The following ATXN2 variants were observed in gnomAD, a reference collection of about 807,000 sequenced individuals.
ATXN2 encodes ataxin 2.
Under a neutral mutation model 138.6 loss-of-function variants are expected in ATXN2, and 37 were observed. The ratio of observed to expected loss-of-function variants is 0.27; its 90% CI spans 0.21 to 0.35. ATXN2 has a LOEUF of 0.35. Ranked by LOEUF, ATXN2 falls within the 10% of genes least tolerant of loss-of-function variation. ATXN2 has a pLI of 1.00. For synonymous variants in ATXN2, 549 were observed against 543.7 expected (o/e 1.01, Z -0.13); for missense variants, 1,216 against 1,480.3 (o/e 0.82, Z 2.93).
chr12:111,521,453 G>A (rs556871777), intron 6 of ATXN2, among the ~76,000 whole-genome samples: 38 of 152,318 alleles, frequency 2.5e-4, no homozygotes, highest in African/African-American at 7.0e-4. Flanking sequence ...AAAGAAGGGA[G>A]AAGCCAACGC....
In ATXN2 at chr12:111,587,387, C is replaced by T. The variant is rs11615619; in HGVS notation, c.251+11397G>A. On this transcript the variant is annotated intron_variant, in intron 1 of 24. Coordinates refer to ENST00000673436, the MANE Select transcript of ATXN2 (RefSeq NM_001372574.1). ...GAAAAATATTTGACCTGGCCAGCCA[C>T]GGTGCCTCACACATGTAATTAAAGC... Among the ~76,000 whole-genome samples, 1,372 of 152,162 alleles carry T rather than the reference C, an allele frequency of 9.0e-3. 5 individuals carry two copies. The highest frequency in any genetic ancestry group is 0.014 in the Non-Finnish European group (960 of 68,012).
In ATXN2 at chr12:111,552,215, T is replaced by C. The variant is rs1258967621; in HGVS notation, c.571+65A>G. 2 of 1,476,082 alleles carry C rather than the reference T, an allele frequency of 1.4e-6. No individual in the cohort carries two copies. Among genetic ancestry groups the C allele is most frequent in the African/African-American group, 2.9e-5 (2 of 68,786 alleles). 91.4% of individuals were successfully genotyped at this position (1,476,082 alleles called of 1,614,324 possible). On this transcript the variant is annotated intron_variant, in intron 5 of 24. Transcript: ENST00000673436. The surrounding 1 kb of genome is among the most constrained non-coding windows in gnomAD (Gnocchi z 4.1). ...CTTTAAAAAAAGTTTGTAAGATCAC[T>C]GTGAAAATCTTTGCTTGAATAAATC...
At chr12:111,544,065 T>C (rs938286921) in intron 5 of ATXN2, among the ~76,000 whole-genome samples, 4 of 152,020 alleles carry the variant, frequency 2.6e-5, no homozygotes, top group African/African-American at 9.7e-5. Flanking sequence ...TGACAGAGCA[T>C]GACCCTGTTT....
chr12:111,482,241 C>T (rs1372136491), intron 18 of ATXN2, among the ~76,000 whole-genome samples: 1 of 143,696 alleles, frequency 7.0e-6, no homozygotes, highest in Non-Finnish European at 1.5e-5. Flanking sequence ...GTCACCCAGG[C>T]TGGAGTGCAG....
intron 18 of ATXN2, 142 bp downstream of exon 18, chr12:111,485,123 T>C (rs774020424): frequency 2.2e-5 from 15 of 679,356 alleles, no homozygotes; most frequent in African/African-American, 8.8e-5. Context: ...TGAATATCTA[T>C]GTAATGTTGT....
intron 1 of ATXN2, among the ~76,000 whole-genome samples, chr12:111,569,730 A>G (rs540735478): frequency 5.7e-4 from 87 of 152,062 alleles, no homozygotes; most frequent in African/African-American, 2.1e-3. Context: ...CACCACCACC[A>G]CCACCACACT....
At chr12:111,541,760 A>C (rs951425981) in intron 5 of ATXN2, among the ~76,000 whole-genome samples, 1 of 148,524 alleles carries the variant, frequency 6.7e-6, no homozygotes, top group African/African-American at 2.4e-5. Context: ...TCATTTTGTC[A>C]ATTTCTACAA....
At chr12:111,581,313 G>T in intron 1 of ATXN2, 1 of 507,648 alleles carries the variant, frequency 2.0e-6, no homozygotes, top group Middle Eastern at 3.4e-4. Context: ...AAACTACCAG[G>T]GAAAGGGAGG....
intron 20 of ATXN2, among the ~76,000 whole-genome samples, chr12:111,466,808 A>AT: frequency 6.6e-6 from 1 of 152,290 alleles, no homozygotes; most frequent in South Asian, 2.1e-4. Context: ...TTCTGTTTGC[A>AT]TTAAATGTTT....
At chr12:111,485,898 A>G in intron 16 of ATXN2, 33 bp from the exon 17 acceptor site, 1 of 1,605,034 alleles carries the variant, frequency 6.2e-7, no homozygotes, top group Non-Finnish European at 8.5e-7. Flanking sequence ...AATTATCTCA[A>G]GGTAACAGAT....
At chr12:111,538,415 A>C (rs1881310056) in intron 5 of ATXN2, among the ~76,000 whole-genome samples, 1 of 151,848 alleles carries the variant, frequency 6.6e-6, no homozygotes, top group African/African-American at 2.4e-5. Context: ...CCAGGGTCTC[A>C]CTTGGCTCAC....
At chr12:111,533,054 T>C (rs2135757069) in intron 5 of ATXN2, among the ~76,000 whole-genome samples, 1 of 152,142 alleles carries the variant, frequency 6.6e-6, no homozygotes, top group Non-Finnish European at 1.5e-5. Flanking sequence ...AGTGTAAAGT[T>C]TATAGCTGTG....
chr12:111,581,818 ATC>A, intron 1 of ATXN2: 1 of 444,914 alleles, frequency 2.2e-6, no homozygotes, highest in South Asian at 2.7e-5. Flanking sequence ...TCTGCCCGTG[ATC>A]TGATTCCCAT....
Position 111,525,097 on chromosome 12 carries a change from A to G in ATXN2, c.696+95T>C, listed in dbSNP as rs1271057139. ...TGCTGCTCTAAATACACTCACTACAATAACAACAACAACAAAAGCACATTT... is the reference window on the plus strand; with the variant it reads ...TGCTGCTCTAAATACACTCACTACAGTAACAACAACAACAAAAGCACATTT... On this transcript the variant is annotated intron_variant, in intron 6 of 24. Coordinates refer to ENST00000673436, the MANE Select transcript of ATXN2 (RefSeq NM_001372574.1). The G allele has an allele frequency of 7.5e-6, 11 of 1,463,300 alleles. No individual in the cohort carries two copies. In the East Asian group the frequency reaches 2.6e-4, roughly 34 times the overall value. The allele number at this position is 1,463,300 out of a possible 1,614,324, so 90.6% of individuals were successfully genotyped here.
chr12:111,559,667 G>T (rs915303201), intron 1 of ATXN2, among the ~76,000 whole-genome samples: 1 of 151,244 alleles, frequency 6.6e-6, no homozygotes, highest in African/African-American at 2.4e-5. Context: ...AGATATTTGG[G>T]GAGGCTGAGA....
At chr12:111,478,667 T>C (rs1160425348) in intron 18 of ATXN2, among the ~76,000 whole-genome samples, 3 of 152,146 alleles carry the variant, frequency 2.0e-5, no homozygotes, top group Non-Finnish European at 4.4e-5. Flanking sequence ...GAATGTAAAA[T>C]GACACAATCA....
chr12:111,589,176 A>C (rs1884519760), intron 1 of ATXN2, among the ~76,000 whole-genome samples: 1 of 149,238 alleles, frequency 6.7e-6, no homozygotes, highest in South Asian at 2.1e-4. Context: ...TTAGCCAGGC[A>C]TGGTGGCACA....
chr12:111,521,848 G>A (rs1031458513), intron 6 of ATXN2, among the ~76,000 whole-genome samples: 1 of 152,144 alleles, frequency 6.6e-6, no homozygotes, highest in Non-Finnish European at 1.5e-5. Context: ...AGCTGAGGCT[G>A]CATTCTTTAA....
intron 5 of ATXN2, among the ~76,000 whole-genome samples, chr12:111,537,368 T>C (rs918049290): frequency 8.6e-5 from 13 of 151,966 alleles, no homozygotes; most frequent in African/African-American, 2.7e-4. Context: ...GCAGATCACT[T>C]GAGGTCAGGA....
Sources: gnomAD v4.1 joint callset for allele counts (sites outside exome capture counted in the v4.1 genomes callset) on GRCh38, gnomAD v4.1.1 for gene constraint, Gnocchi (gnomAD v3.1) non-coding constraint, MANE v1.5 for transcripts, NCBI Gene and HGNC (gene_info 2026-07-23, HGNC 2026-07-21) for gene names.